PRDM16: variants seen among roughly 807,000 people sequenced by gnomAD.
PRDM16 encodes the protein histone-lysine N-methyltransferase PRDM16.
A neutral mutation model predicts 110.6 loss-of-function variants in PRDM16; 23 were observed. The observed-to-expected ratio is 0.21, with a 90% CI of 0.15 to 0.29. The LOEUF is 0.29. Ranked by LOEUF, PRDM16 falls within the 10% of genes least tolerant of loss-of-function variation. The probability of loss-of-function intolerance (pLI) is 1.00; values close to 1 mark genes in which losing one functional copy is unlikely to be tolerated. For missense variants in PRDM16, 1,615 were observed against 1,794.3 expected, an observed-to-expected ratio of 0.90 and a Z score of 1.81; for synonymous variants, 799 against 781.8, an observed-to-expected ratio of 1.02 and a Z score of -0.37.
At position 3,243,464 on chromosome 1, in the gene PRDM16, C is replaced by T. The variant is rs563508837; in HGVS notation, c.388-623C>T. Among the ~76,000 whole-genome samples the T allele has an allele frequency of 6.6e-6, 1 of 152,124 alleles. No individual in the cohort carries two copies. Among genetic ancestry groups the T allele is most frequent in the African/African-American group, 2.4e-5 (1 of 41,422 alleles). On this transcript the variant is annotated intron_variant, in intron 2 of 16. Transcript: ENST00000270722. The surrounding 1 kb of genome is among the most constrained non-coding windows in gnomAD (Gnocchi z 5.5). ...AGCCACCCTTCCGCAGGGCGTTGGC[C>T]GACCTCTGCCCCTGCCTCTGGCCGC...
At position 3,080,455 on chromosome 1, in the gene PRDM16, G is replaced by A. The variant is rs925611035; in HGVS notation, c.37+11159G>A. Among the ~76,000 whole-genome samples the A allele has an allele frequency of 6.6e-6, 1 of 152,146 alleles. No homozygotes were observed. Among genetic ancestry groups the A allele is most frequent in the Non-Finnish European group, 1.5e-5 (1 of 68,032 alleles). On this transcript the variant is annotated intron_variant, in intron 1 of 16. Transcript: ENST00000270722. The surrounding 1 kb of genome is among the most constrained non-coding windows in gnomAD (Gnocchi z 5.2). ...TTCTTTAATGAAACAGCCCGACAAT[G>A]TGGCTAATTATTTATTTATCACATT...
At chr1:3,117,461 G>T (rs2100654901) in intron 1 of PRDM16, among the ~76,000 whole-genome samples, 1 of 152,276 alleles carries the variant, frequency 6.6e-6, no homozygotes, top group Admixed American at 6.5e-5. Context: ...GAGAGCCTGT[G>T]AGGTGCATGT....
At chr1:3,197,420 G>A (rs1638507867) in intron 2 of PRDM16, among the ~76,000 whole-genome samples, 2 of 152,192 alleles carry the variant, frequency 1.3e-5, no homozygotes, top group African/African-American at 4.8e-5. Context: ...TACAGCCTTG[G>A]CATCCTAGAG....
chr1:3,146,225 G>T (rs545796284), intron 1 of PRDM16, among the ~76,000 whole-genome samples: 2 of 152,358 alleles, frequency 1.3e-5, no homozygotes, highest in South Asian at 2.1e-4. Context: ...GTGGAAACGG[G>T]GGGGCCCGCT....
chr1:3,433,869 A>G lies in PRDM16; in HGVS notation c.*58A>G. 18 of 1,594,610 alleles carry G rather than the reference A, an allele frequency of 1.1e-5. No homozygotes were observed. Among genetic ancestry groups the G allele is most frequent in the Non-Finnish European group, 1.5e-5 (18 of 1,171,428 alleles). On this transcript the variant is annotated 3_prime_UTR_variant, in exon 17 of 17. Coordinates refer to ENST00000270722, the MANE Select transcript of PRDM16 (RefSeq NM_022114.4). The stretch of plus-strand genomic sequence containing the variant: ...CGAGGGCACCAGCCACGAAGGACGG[A>G]GGCGGGCGGGGCCCCGGAGAACCCT...
At chr1:3,378,109 G>A (rs1643027016) in intron 3 of PRDM16, among the ~76,000 whole-genome samples, 1 of 152,224 alleles carries the variant, frequency 6.6e-6, no homozygotes, top group Admixed American at 6.5e-5. Flanking sequence ...ACAGATCCTT[G>A]GCGCTGTCCC....
chr1:3,354,594 T>C (rs1473172599), intron 3 of PRDM16, among the ~76,000 whole-genome samples: 1 of 152,118 alleles, frequency 6.6e-6, no homozygotes, highest in Non-Finnish European at 1.5e-5. Context: ...AGAGGGGCCA[T>C]GGGAGCTCAG....
chr1:3,304,752 A>G (rs1447342616), intron 3 of PRDM16, among the ~76,000 whole-genome samples: 1 of 131,952 alleles, frequency 7.6e-6, no homozygotes, highest in Non-Finnish European at 1.5e-5. Context: ...CGCTCCCTGC[A>G]GGGGCCAATG....
At chr1:3,188,201 T>A (rs1380198321) in intron 2 of PRDM16, among the ~76,000 whole-genome samples, 2 of 152,096 alleles carry the variant, frequency 1.3e-5, no homozygotes, top group African/African-American at 2.4e-5. Context: ...CCCTGCCTGG[T>A]GTGTGGGAGG....
chr1:3,428,758 C>T (rs1178855786), intron 14 of PRDM16, among the ~76,000 whole-genome samples: 2 of 152,006 alleles, frequency 1.3e-5, no homozygotes, highest in East Asian at 3.8e-4. Context: ...TGTCCCTCAG[C>T]ATTCCCAGGT....
rs1159512708 is a variant in PRDM16, at chr1:3,390,740, C to T, written c.573+5454C>T. Reference sequence around the variant, plus strand: ...CTGGGCGTGTGCCCTGTCAGGGTTGCGGTTTTAAACAGAGGGCATCCAACA... The same window carrying T: ...CTGGGCGTGTGCCCTGTCAGGGTTGTGGTTTTAAACAGAGGGCATCCAACA... On this transcript the variant is annotated intron_variant, in intron 4 of 16. Coordinates refer to ENST00000270722, the MANE Select transcript of PRDM16 (RefSeq NM_022114.4). This position sits in a 1 kb window ranked among gnomAD's most constrained non-coding sequence, Gnocchi z 5.0. 2.6e-5 allele frequency among the ~76,000 whole-genome samples: 4 copies of T among 151,962 alleles called. No homozygotes were observed. The South Asian group carries it at 6.2e-4, about 24-fold the overall frequency.
At chr1:3,139,165 C>A (rs1006341452) in intron 1 of PRDM16, among the ~76,000 whole-genome samples, 1 of 152,034 alleles carries the variant, frequency 6.6e-6, no homozygotes, top group South Asian at 2.1e-4. Context: ...TCAGAGCGGA[C>A]GGTTGCTTCA....
At chr1:3,164,873 G>A (rs1643933083) in intron 1 of PRDM16, among the ~76,000 whole-genome samples, 1 of 152,216 alleles carries the variant, frequency 6.6e-6, no homozygotes, top group Admixed American at 6.5e-5. Flanking sequence ...CTTGGGAGAT[G>A]CAGGTGGGAA....
intron 3 of PRDM16, among the ~76,000 whole-genome samples, chr1:3,355,938 G>A (rs1392126889): frequency 6.6e-6 from 1 of 152,052 alleles, no homozygotes; most frequent in Non-Finnish European, 1.5e-5. Context: ...TAAGATCTGA[G>A]GTGAATGTGA....
chr1:3,094,414 C>T (rs59085424), intron 1 of PRDM16, among the ~76,000 whole-genome samples: 4,937 of 152,292 alleles, frequency 0.032, 264 homozygotes, highest in African/African-American at 0.11. Context: ...AATGCTGGCC[C>T]GTGGCCCCAG....
Position 3,211,352 on chromosome 1 carries a change from C to G in PRDM16, c.387+24878C>G, listed in dbSNP as rs1458633257. 2.0e-5 allele frequency among the ~76,000 whole-genome samples: 3 copies of G among 152,224 alleles called. No individual in the cohort carries two copies. In the East Asian group the frequency reaches 5.8e-4, roughly 29 times the overall value. On this transcript the variant is annotated intron_variant, in intron 2 of 16. Coordinates refer to ENST00000270722, the MANE Select transcript of PRDM16 (RefSeq NM_022114.4). ...GAAAGTCATTTCCGGGCAGCAGTGT[C>G]CACCTGAAAGTTGAGATATGCACAG... is the stretch of plus-strand genomic sequence containing the variant.
chr1:3,276,627 G>C (rs1460707396), intron 3 of PRDM16, among the ~76,000 whole-genome samples: 2 of 125,682 alleles, frequency 1.6e-5, no homozygotes, highest in Non-Finnish European at 3.4e-5. Flanking sequence ...GGAAGCTGCA[G>C]GGCCTTGGCA....
chr1:3,304,798 C>T (rs776849154), intron 3 of PRDM16, among the ~76,000 whole-genome samples: 13 of 152,166 alleles, frequency 8.5e-5, no homozygotes, highest in Non-Finnish European at 1.9e-4. Flanking sequence ...GAGGTGGTCT[C>T]AGGACACCGT....
chr1:3,326,404 C>A (rs998135527), intron 3 of PRDM16, among the ~76,000 whole-genome samples: 19 of 152,246 alleles, frequency 1.2e-4, no homozygotes, highest in Admixed American at 5.2e-4. Context: ...CTTTTAGGTT[C>A]TGTGAGGGCA....
Sources: allele counts gnomAD v4.1 joint callset (sites outside exome capture counted in the v4.1 genomes callset), GRCh38; gene constraint gnomAD v4.1.1; non-coding constraint Gnocchi (gnomAD v3.1); transcripts MANE v1.5; gene names NCBI Gene and HGNC (gene_info 2026-07-23, HGNC 2026-07-21).